Variants in SNTG2 observed in about 807,000 individuals in gnomAD.
SNTG2 encodes the protein gamma-2-syntrophin.
Under a neutral mutation model 70.9 loss-of-function variants are expected in SNTG2, and 74 were observed. The observed-to-expected ratio is 1.04, with a 90% confidence interval of 0.86 to 1.27. The LOEUF (loss-of-function observed/expected upper bound fraction) is 1.27, where lower values mean the gene tolerates loss of function less well. Ranked by LOEUF, SNTG2 falls within the 50% of genes most tolerant of loss-of-function variation. The pLI, the probability that SNTG2 is intolerant of heterozygous loss-of-function variation, is 0.00. For missense variants in SNTG2, 717 were observed against 690.7 expected (o/e 1.04, Z -0.43); for synonymous variants, 278 against 273.8 (o/e 1.02, Z -0.15).
chr2:1,266,597 G>A (rs1678747838), intron 13 of SNTG2, among the ~76,000 whole-genome samples: 1 of 152,064 alleles, frequency 6.6e-6, no homozygotes, highest in African/African-American at 2.4e-5. Context: ...CTTTATCTCA[G>A]GACAATGAAC....
chr2:1,171,302 A>G (rs936983852), intron 7 of SNTG2, among the ~76,000 whole-genome samples: 1 of 152,174 alleles, frequency 6.6e-6, no homozygotes, highest in Non-Finnish European at 1.5e-5. Flanking sequence ...TTTATTGACT[A>G]TTTACCTGTT....
chr2:1,367,387 C>G lies in SNTG2; in HGVS notation c.1533C>G (p.His511Gln), dbSNP rs769896802. Residue 511 changes from histidine (H) to glutamine (Q), a missense_variant, in exon 17 of 17, where the codon CAC becomes CAG. By Grantham distance (24) the His-to-Gln change is conservative. Transcript: ENST00000308624. ...QDLRAVLHCI[H>Q]SFIAAKVASV... ...TGAGGGCTGTCCTGCACTGCATCCA[C>G]TCCTTCATAGCAGCCAAGGTGGCCT... is the stretch of plus-strand genomic sequence containing the variant. 4.1e-5 allele frequency: 64 copies of G among 1,551,686 alleles called. No individual in the cohort carries two copies. The highest frequency in any genetic ancestry group is 5.5e-5 in the Non-Finnish European group (63 of 1,147,042).
At chr2:1,349,210 G>GC in intron 16 of SNTG2, among the ~76,000 whole-genome samples, 1 of 152,256 alleles carries the variant, frequency 6.6e-6, no homozygotes, top group South Asian at 2.1e-4. Context: ...CTGGTTGGGG[G>GC]GGTCACTGGT....
intron 12 of SNTG2, among the ~76,000 whole-genome samples, chr2:1,258,786 T>C (rs1039196984): frequency 6.6e-6 from 1 of 152,194 alleles, no homozygotes; most frequent in Non-Finnish European, 1.5e-5. Context: ...TGAGATTAGT[T>C]TGGCCATTAT....
intron 8 of SNTG2, among the ~76,000 whole-genome samples, chr2:1,178,337 A>G (rs1422765688): frequency 6.6e-6 from 1 of 152,104 alleles, no homozygotes; most frequent in South Asian, 2.1e-4. Flanking sequence ...TTCCAACACT[A>G]TGTTGAATAG....
chr2:1,056,886 T>TG lies in SNTG2; in HGVS notation c.73-26628dup, dbSNP rs1292333428. Reference sequence around the variant, plus strand: ...GAGAGCACGGCGCCCCGCTGTGCTGTGGGGAGGGAGGGAGAGCGTCGCGCT... The same window carrying TG: ...GAGAGCACGGCGCCCCGCTGTGCTGTGGGGGAGGGAGGGAGAGCGTCGCGCT... On this transcript the variant is annotated intron_variant, in intron 1 of 16. Transcript: ENST00000308624. Among the ~76,000 whole-genome samples the TG allele has an allele frequency of 2.2e-3, 122 of 56,472 alleles. 6 individuals are homozygous for TG. The highest frequency in any genetic ancestry group is 8.9e-3 in the African/African-American group (114 of 12,828). The allele number at this position is 56,472 out of a possible 152,430, so 37.0% of individuals were successfully genotyped here. A position where few individuals can be genotyped will look rare whatever the true frequency, so the allele number is the denominator to read the frequency against.
At position 1,338,849 on chromosome 2, in the gene SNTG2, C is replaced by T. The variant is rs951185729; in HGVS notation, c.1488+22474C>T. ...GCACATTTACATGCAAGTATCTGTTCGAGTCCCTTTTTTATTTTTTGGAAT... is the reference window on the plus strand; with the variant it reads ...GCACATTTACATGCAAGTATCTGTTTGAGTCCCTTTTTTATTTTTTGGAAT... On this transcript the variant is annotated intron_variant, in intron 16 of 16. Coordinates refer to ENST00000308624, the MANE Select transcript of SNTG2 (RefSeq NM_018968.4). Among the ~76,000 whole-genome samples, 8 of 152,108 alleles carry T rather than the reference C, an allele frequency of 5.3e-5. No homozygotes were observed. In the East Asian group the frequency reaches 1.2e-3, roughly 22 times the overall value.
chr2:986,895 T>C (rs968259921), intron 1 of SNTG2, among the ~76,000 whole-genome samples: 4 of 152,238 alleles, frequency 2.6e-5, no homozygotes, highest in African/African-American at 9.6e-5. Context: ...TTATAGAATA[T>C]TCTCAATAGC....
At chr2:1,192,612 A>G (rs1672665381) in intron 8 of SNTG2, among the ~76,000 whole-genome samples, 2 of 152,302 alleles carry the variant, frequency 1.3e-5, no homozygotes, top group East Asian at 1.9e-4. Flanking sequence ...AATAATCATC[A>G]TCATCTGGTT....
At chr2:1,090,812 G>T (rs1664972037) in intron 2 of SNTG2, among the ~76,000 whole-genome samples, 1 of 152,188 alleles carries the variant, frequency 6.6e-6, no homozygotes, top group Non-Finnish European at 1.5e-5. Flanking sequence ...AGTCCACCCA[G>T]AGGAAAGTCA....
intron 7 of SNTG2, among the ~76,000 whole-genome samples, chr2:1,169,822 G>A (rs1349697392): frequency 6.6e-6 from 1 of 152,184 alleles, no homozygotes; most frequent in Non-Finnish European, 1.5e-5. Context: ...AGCCTGGGGT[G>A]CAGATCACAG....
intron 14 of SNTG2, among the ~76,000 whole-genome samples, chr2:1,281,063 GT>G (rs1305347224): frequency 6.6e-6 from 1 of 152,166 alleles, no homozygotes; most frequent in East Asian, 1.9e-4. Context: ...GGGGTCAAGT[GT>G]CTTAGGGGTG....
chr2:1,019,158 T>C (rs1357111786), intron 1 of SNTG2, among the ~76,000 whole-genome samples: 1 of 152,164 alleles, frequency 6.6e-6, no homozygotes, highest in East Asian at 1.9e-4. Context: ...GACGTCATGG[T>C]GTGTATTGTG....
chr2:1,348,413 T>C (rs988200902), intron 16 of SNTG2, among the ~76,000 whole-genome samples: 1 of 152,230 alleles, frequency 6.6e-6, no homozygotes, highest in Non-Finnish European at 1.5e-5. Flanking sequence ...TTTTACAACC[T>C]ATTCTCTAAA....
At chr2:1,093,693 C>G (rs1242725338) in intron 2 of SNTG2, among the ~76,000 whole-genome samples, 1 of 152,246 alleles carries the variant, frequency 6.6e-6, no homozygotes, top group African/African-American at 2.4e-5. Context: ...ATGGATAAAA[C>G]TAACCACCTT....
chr2:1,268,198 G>A (rs1244011843), intron 14 of SNTG2, among the ~76,000 whole-genome samples: 1 of 152,230 alleles, frequency 6.6e-6, no homozygotes, highest in Non-Finnish European at 1.5e-5. Context: ...GGAATGAAGA[G>A]TGACAGGAGA....
At chr2:1,209,419 G>A (rs1012671524) in intron 9 of SNTG2, among the ~76,000 whole-genome samples, 189 bp downstream of exon 9, 1 of 152,210 alleles carries the variant, frequency 6.6e-6, no homozygotes, top group African/African-American at 2.4e-5. Context: ...TCAGGTATCA[G>A]AACAGTGAAT....
intron 9 of SNTG2, among the ~76,000 whole-genome samples, chr2:1,231,650 C>T (rs544390693): frequency 6.6e-6 from 1 of 152,152 alleles, no homozygotes. Flanking sequence ...TTCCTTCTTA[C>T]AGCCCAGTGG....
intron 8 of SNTG2, among the ~76,000 whole-genome samples, chr2:1,199,362 A>C (rs1230166086): frequency 6.6e-6 from 1 of 151,880 alleles, no homozygotes; most frequent in Non-Finnish European, 1.5e-5. Flanking sequence ...CAAATTAGGG[A>C]AGGGATAAAC....
Sources: allele counts gnomAD v4.1 joint callset (sites outside exome capture counted in the v4.1 genomes callset), GRCh38; gene constraint gnomAD v4.1.1; transcripts MANE v1.5; gene names NCBI Gene and HGNC (gene_info 2026-07-23, HGNC 2026-07-21).